DNHD1: variants seen among roughly 807,000 people sequenced by gnomAD.
The protein encoded by DNHD1 is dynein heavy chain domain-containing protein 1.
DNHD1 carries 383 observed loss-of-function variants against 458.1 expected under a neutral mutation model. The ratio of observed to expected loss-of-function variants is 0.84; its 90% CI spans 0.77 to 0.91. DNHD1 has a LOEUF of 0.91. Among genes scored for constraint, DNHD1 ranks in the 40% least tolerant of loss-of-function variants. The pLI, the probability that DNHD1 is intolerant of heterozygous loss-of-function variation, is 0.00. For synonymous variants in DNHD1, 2,203 were observed against 2,376.9 expected (o/e 0.93, Z 2.13); for missense variants, 5,336 against 5,866.1 (o/e 0.91, Z 2.95).
At chr11:6,544,288 G>A (rs1239932009) in intron 19 of DNHD1, 42 bp downstream of exon 19, 6 of 1,550,436 alleles carry the variant, frequency 3.9e-6, no homozygotes, top group Non-Finnish European at 4.4e-6. Context: ...TGAGACCTGA[G>A]GCAGGATGTC....
rs1853189039 is a variant in DNHD1 at position 6,545,407 on chromosome 11, T to G, written c.4468T>G (p.Leu1490Val). ...ALKQLPKQNK[L>V]YLQLYVQHWI... is the part of the protein sequence containing the mutation. ...CAAGCAACTGCCCAAGCAAAACAAGTTGTACCTGCAACTGTATGTCCAGCA... is the reference window on the plus strand; with the variant it reads ...CAAGCAACTGCCCAAGCAAAACAAGGTGTACCTGCAACTGTATGTCCAGCA... Residue 1490 changes from leucine (L) to valine (V), a missense_variant, in exon 21 of 43, where the codon TTG becomes GTG. Leu to Val is a conservative substitution (Grantham distance 32, BLOSUM62 1). Transcript: ENST00000254579. This position sits in a 1 kb window ranked among gnomAD's most constrained non-coding sequence, Gnocchi z 4.9. 2 of 1,551,676 alleles carry G rather than the reference T, an allele frequency of 1.3e-6. No homozygotes were observed.
At chr11:6,524,371 T>C (rs1852665897) in intron 10 of DNHD1, among the ~76,000 whole-genome samples, 1 of 152,242 alleles carries the variant, frequency 6.6e-6, no homozygotes, top group Non-Finnish European at 1.5e-5. Context: ...ATCTCTTCTC[T>C]CTGTGTATCT....
chr11:6,518,470 G>C (rs1852538233), intron 7 of DNHD1, among the ~76,000 whole-genome samples: 1 of 152,122 alleles, frequency 6.6e-6, no homozygotes, highest in African/African-American at 2.4e-5. Context: ...GTTGTCGTTG[G>C]TATGGTTTTA....
rs1353111217 is a variant in DNHD1, at chr11:6,571,219, C to T, written c.13707C>T (p.Gly4569=). Residue 4569 remains glycine, a synonymous_variant, in exon 42 of 43, where the codon GGC becomes GGT. Coordinates refer to ENST00000254579, the MANE Select transcript of DNHD1 (RefSeq NM_144666.3). This position sits in a 1 kb window ranked among gnomAD's most constrained non-coding sequence, Gnocchi z 5.0. ...GQLLVRYLGV[G]ADASSDVPER... ...TGTTGGTTCGTTACTTGGGCGTGGGCGCGGACGCGAGCAGTGATGTACCAG... is the reference window on the plus strand; with the variant it reads ...TGTTGGTTCGTTACTTGGGCGTGGGTGCGGACGCGAGCAGTGATGTACCAG... The T allele has an allele frequency of 1.2e-6, 2 of 1,609,830 alleles. No homozygotes were observed. Among genetic ancestry groups the T allele is most frequent in the Non-Finnish European group, 1.7e-6 (2 of 1,178,076 alleles).
Position 6,498,284 on chromosome 11 carries a change from G to C in DNHD1, c.69G>C (p.Trp23Cys), listed in dbSNP as rs756776054. 2 of 1,614,186 alleles carry C rather than the reference G, an allele frequency of 1.2e-6. No homozygotes were observed. Among genetic ancestry groups the C allele is most frequent in the Admixed American group, 3.3e-5 (2 of 60,020 alleles). Residue 23 changes from tryptophan (W) to cysteine (C), a missense_variant, in exon 3 of 43, where the codon TGG becomes TGC. Around this residue, in one of 4 missense-constraint regions of DNHD1, gnomAD observed 3,932 missense variants for 4,365.6 expected, o/e 0.90. Coordinates refer to ENST00000254579, the MANE Select transcript of DNHD1 (RefSeq NM_144666.3). ...CATCATCTGATTCCCTTAAGTCTTG[G>C]CACTCCATATGTGTCTTGGACAGCA... Reference protein sequence around the residue: ...DETSSDSLKSWHSICVLDSKE... With the variant: ...DETSSDSLKSCHSICVLDSKE...
In DNHD1 at chr11:6,566,581, C is replaced by T. The variant is rs765662497; in HGVS notation, c.11207-6C>T. The T allele has an allele frequency of 1.9e-6, 3 of 1,613,006 alleles. No individual in the cohort carries two copies. Among genetic ancestry groups the T allele is most frequent in the South Asian group, 2.2e-5 (2 of 90,850 alleles). ...AGAGGTTAAGCATCTCCCATGTTAC[C>T]CCAAGTGCTAGGTTGTGAACTGCTA... On this transcript the variant is annotated splice_region_variant and splice_polypyrimidine_tract_variant and intron_variant, in intron 34 of 42. Transcript: ENST00000254579.
rs770492212 is a variant in DNHD1, at chr11:6,567,318, T to C, written c.11809T>C (p.Leu3937=). 17 of 1,613,922 alleles carry C rather than the reference T, an allele frequency of 1.1e-5. No individual in the cohort carries two copies. The highest frequency in any genetic ancestry group is 1.7e-5 in the Admixed American group (1 of 60,014). Residue 3937 remains leucine, a synonymous_variant, in exon 36 of 43, where the codon TTG becomes CTG. Transcript: ENST00000254579. ...TACCCAAGTACCCTTGGTGGGTGCA[T>C]TGGGCGCTTTGGCTCTGCTGCAAGC... ...GLTQVPLVGA[L]GALALLQATG...
intron 9 of DNHD1, 45 bp from the exon 10 acceptor site, chr11:6,520,193 C>T: frequency 6.3e-7 from 1 of 1,590,142 alleles, no homozygotes; most frequent in Non-Finnish European, 8.6e-7. Flanking sequence ...TTGAATCCCT[C>T]ATTGCTTTCC....
intron 4 of DNHD1, chr11:6,508,194 T>A (rs1852264960): frequency 6.6e-6 from 1 of 152,214 alleles, no homozygotes; most frequent in Admixed American, 6.5e-5. Context: ...TAGATACACC[T>A]ATTATATCAA....
rs1853692960 is a variant in DNHD1, at chr11:6,566,242, C to T, written c.11055C>T (p.Gly3685=). The stretch of plus-strand genomic sequence containing the variant: ...GGTGCCTTTGCCTCCCTCTCACAGG[C>T]CTGCCTGTGTTACTGACCAATGTGG... ...GSQLQEAAAC[G]LPVLLTNVEL... is the part of the protein sequence containing the mutation. The change falls in exon 34 of 43, where the codon GGC becomes GGT. Residue 3685 remains glycine, a splice_region_variant and synonymous_variant. Transcript: ENST00000254579. 6.4e-7 allele frequency: 1 copy of T among 1,551,314 alleles called. No homozygotes were observed. The highest frequency in any genetic ancestry group is 1.4e-5 in the African/African-American group (1 of 73,152).
In DNHD1 at chr11:6,526,614, A is replaced by AG. The variant is rs397698211; in HGVS notation, c.1838-1907dup. On this transcript the variant is annotated intron_variant, in intron 10 of 42. Coordinates refer to ENST00000254579, the MANE Select transcript of DNHD1 (RefSeq NM_144666.3). ...TCTATTGTTTTTCTGTATTAAAAAA[A>AG]GATGGCTTACTTTCTGAGGTTTTCT... 4.6e-5 allele frequency among the ~76,000 whole-genome samples: 7 copies of AG among 151,852 alleles called. No homozygotes were observed. The East Asian group carries it at 1.4e-3, about 29-fold the overall frequency.
chr11:6,564,948 C>A, intron 32 of DNHD1, 144 bp downstream of exon 32: 1 of 684,474 alleles, frequency 1.5e-6, no homozygotes. Context: ...ACTATAGGAA[C>A]AAATTTGGTC....
rs1853251405 is a variant in DNHD1 at position 6,547,584 on chromosome 11, A to G, written c.6645A>G (p.Ala2215=). Residue 2215 remains alanine (A), a synonymous_variant, in exon 21 of 43, where the codon GCA becomes GCG. Coordinates refer to ENST00000254579, the MANE Select transcript of DNHD1 (RefSeq NM_144666.3). ...AGCAGGCTGTTTGTGCAGGTGTGGC[A>G]GAAGTTACCAGCATGGCACGCATCT... ...HGQQAVCAGV[A]EVTSMARILH... 2.6e-6 allele frequency: 4 copies of G among 1,549,060 alleles called. No homozygotes were observed. Among genetic ancestry groups the G allele is most frequent in the Non-Finnish European group, 2.6e-6 (3 of 1,144,970 alleles).
Position 6,540,681 on chromosome 11 carries a change from T to G in DNHD1, c.3628+598T>G, listed in dbSNP as rs1853080126. Among the ~76,000 whole-genome samples the G allele has an allele frequency of 2.0e-5, 3 of 152,226 alleles. No individual in the cohort carries two copies. The South Asian group carries it at 6.2e-4, about 31-fold the overall frequency. On this transcript the variant is annotated intron_variant, in intron 18 of 42. Transcript: ENST00000254579. ...AAGTCTTCTTTAGGCAGAGGCCTTA[T>G]ACTGACTTTTTGAAGGAGTAAGAGT...
In DNHD1 at chr11:6,568,759, A is replaced by G; in HGVS notation, c.12756A>G (p.Val4252=). Residue 4252 remains valine (V), a synonymous_variant, in exon 39 of 43, where the codon GTA becomes GTG. Coordinates refer to ENST00000254579, the MANE Select transcript of DNHD1 (RefSeq NM_144666.3). Reference sequence around the variant, plus strand: ...ACAGTGTGGAGCTAGCCCAGCAAGTACTCTACATGCAACCCCCCACCCAGG... The same window carrying G: ...ACAGTGTGGAGCTAGCCCAGCAAGTGCTCTACATGCAACCCCCCACCCAGG... ...LIDSVELAQQ[V]LYMQPPTQAL... The G allele has an allele frequency of 6.2e-7, 1 of 1,613,244 alleles. No individual in the cohort carries two copies. Among genetic ancestry groups the G allele is most frequent in the Non-Finnish European group, 8.5e-7 (1 of 1,179,644 alleles).
rs1215860890 is a variant in DNHD1, at chr11:6,567,695, C to T, written c.12186C>T (p.Ser4062=). 1 of 1,613,802 alleles carries T rather than the reference C, an allele frequency of 6.2e-7. No individual in the cohort carries two copies. Among genetic ancestry groups the T allele is most frequent in the Non-Finnish European group, 8.5e-7 (1 of 1,179,900 alleles). ...GTGCCCTGGCAGACTTCACCACTAG[C>T]CTCCTGGGTCGGCCCCTGGATGAAA... ...LAGALADFTT[S]LLGRPLDENT... is the part of the protein sequence containing the mutation. The change falls in exon 36 of 43, where the codon AGC becomes AGT. Residue 4062 remains serine (S), a synonymous_variant. Transcript: ENST00000254579.
rs1853698812 is a variant in DNHD1, at chr11:6,566,391, A to C, written c.11204A>C (p.Lys3735Thr). The C allele has an allele frequency of 6.4e-7, 1 of 1,559,226 alleles. No homozygotes were observed. Among genetic ancestry groups the C allele is most frequent in the Non-Finnish European group, 8.7e-7 (1 of 1,151,486 alleles). ...ACCCTCTCCCTCTGTGCCATGGAAA[A>C]AGGTGAGGCCCAGAGGGCAAATTGC... ...STTLSLCAMEKVLGCELLKGL... is the reference protein window; with the variant it reads ...STTLSLCAMETVLGCELLKGL... Residue 3735 changes from lysine to threonine, a missense_variant and splice_region_variant, in exon 34 of 43, where the codon AAA becomes ACA. By Grantham distance (78) the Lys-to-Thr change is moderately conservative. Transcript: ENST00000254579.
chr11:6,558,450 A>T, intron 25 of DNHD1, 35 bp from the exon 26 acceptor site: 4 of 1,549,906 alleles, frequency 2.6e-6, no homozygotes, highest in Non-Finnish European at 3.5e-6. Flanking sequence ...AAGCAAAGGT[A>T]AAGGGGAGGA....
rs1853275344 is a variant in DNHD1, at chr11:6,548,759, C to T, written c.7213C>T (p.His2405Tyr). ...SAFVEVLVEP[H>Y]HPYIYSPIHP... ...CTTTGTGGAGGTGCTGGTAGAGCCA[C>T]ATCACCCTTACATATACAGCCCCAT... Residue 2405 changes from histidine (H) to tyrosine (Y), a missense_variant, in exon 24 of 43, where the codon CAT (histidine) becomes TAT (tyrosine). Physicochemically the swap from His to Tyr is moderately conservative, Grantham distance 83. Around this residue, in one of 4 missense-constraint regions of DNHD1, gnomAD observed 3,932 missense variants for 4,365.6 expected, o/e 0.90. Transcript: ENST00000254579. This position sits in a 1 kb window ranked among gnomAD's most constrained non-coding sequence, Gnocchi z 4.4. 1.3e-6 allele frequency: 2 copies of T among 1,551,642 alleles called. No individual in the cohort carries two copies. The highest frequency in any genetic ancestry group is 1.7e-6 in the Non-Finnish European group (2 of 1,146,990).
Sources: gnomAD v4.1 joint callset for allele counts (sites outside exome capture counted in the v4.1 genomes callset) on GRCh38, gnomAD v4.1.1 for gene constraint, gnomAD v4.1.1 regional missense constraint, Gnocchi (gnomAD v3.1) non-coding constraint, MANE v1.5 for transcripts, NCBI Gene and HGNC (gene_info 2026-07-23, HGNC 2026-07-21) for gene names.